SYNE1: variants seen among roughly 807,000 people sequenced by gnomAD.
SYNE1 encodes the protein spectrin repeat containing nuclear envelope protein 1, also known as nesprin-1.
In SYNE1, 616 loss-of-function variants were observed where a neutral mutation model predicts 1,111.0. The ratio of observed to expected loss-of-function variants is 0.55; its 90% CI spans 0.52 to 0.59. The LOEUF is 0.59. Ranked by LOEUF, SYNE1 falls within the 20% of genes least tolerant of loss-of-function variation. The pLI, the probability that SYNE1 is intolerant of heterozygous loss-of-function variation, is 0.00. For synonymous variants in SYNE1, 3,855 were observed against 3,825.8 expected (o/e 1.01, Z -0.28); for missense variants, 10,006 against 10,417.0 (o/e 0.96, Z 1.72).
At position 152,122,020 on chromosome 6, in the gene SYNE1, G is replaced by T. The variant is rs958947927; in HGVS notation, c.*416C>A. On this transcript the variant is annotated 3_prime_UTR_variant, in exon 146 of 146. Transcript: ENST00000367255. ...TTCAGCACTGGTTGGTTGGTAGATT[G>T]TACGACACTGACATGGTGCTTGGGA... 6.3e-5 allele frequency: 16 copies of T among 254,456 alleles called. No homozygotes were observed. The highest frequency in any genetic ancestry group is 2.6e-4 in the African/African-American group (12 of 45,642). 15.8% of individuals were successfully genotyped at this position (254,456 alleles called of 1,614,324 possible).
intron 95 of SYNE1, among the ~76,000 whole-genome samples, chr6:152,287,343 C>T (rs371138904): frequency 6.6e-6 from 1 of 152,094 alleles, no homozygotes; most frequent in South Asian, 2.1e-4. Context: ...TGTGATTCTG[C>T]TCTGGGCTCG....
rs750672866 is a variant in SYNE1 at position 152,317,002 on chromosome 6, CATT to C, written c.16573-19_16573-17del. On this transcript the variant is annotated splice_polypyrimidine_tract_variant and intron_variant, in intron 86 of 145. Coordinates refer to ENST00000367255, the MANE Select transcript of SYNE1 (RefSeq NM_182961.4). ...GTGATGCTGCCTGAAAAACCAGTAA[CATT>C]AATGTAACAAATGTAAACTCCTCAG... is the stretch of plus-strand genomic sequence containing the variant. 11 of 1,613,286 alleles carry C rather than the reference CATT, an allele frequency of 6.8e-6. No individual in the cohort carries two copies. The highest frequency in any genetic ancestry group is 9.3e-6 in the Non-Finnish European group (11 of 1,179,930).
At chr6:152,353,768 GA>G (rs1563295175) in intron 67 of SYNE1, 24 bp from the exon 68 acceptor site, 9 of 1,612,978 alleles carry the variant, frequency 5.6e-6, no homozygotes, top group South Asian at 2.2e-5. Flanking sequence ...GTATCGAAGG[GA>G]AAGATTCAAT....
At chr6:152,218,783 G>A (rs1038056401) in intron 120 of SYNE1, among the ~76,000 whole-genome samples, 3 of 152,158 alleles carry the variant, frequency 2.0e-5, no homozygotes, top group African/African-American at 7.2e-5. Context: ...ATTGGTTCAG[G>A]GGCTTGCATC....
chr6:152,427,608 A>G, intron 38 of SYNE1, 85 bp downstream of exon 38: 1 of 1,505,952 alleles, frequency 6.6e-7, no homozygotes, highest in Non-Finnish European at 9.1e-7. Context: ...GGGAGGTACA[A>G]GTTTATTTAT....
Position 152,309,916 on chromosome 6 carries a change from A to G in SYNE1, c.17121T>C (p.Pro5707=), listed in dbSNP as rs370891829. Residue 5707 remains proline (P), a synonymous_variant, in exon 90 of 146, where the codon CCT becomes CCC. Coordinates refer to ENST00000367255, the MANE Select transcript of SYNE1 (RefSeq NM_182961.4). ...RIPEDVVASL[P]LCHAALRLQE... is the part of the protein sequence containing the mutation. ...GCAGCCGCAGAGCAGCATGACAGAG[A>G]GGTAAGCTGGCAACCACATCCTCGG... 2 of 1,614,168 alleles carry G rather than the reference A, an allele frequency of 1.2e-6. No individual in the cohort carries two copies. Among genetic ancestry groups the G allele is most frequent in the African/African-American group, 1.3e-5 (1 of 75,058 alleles).
chr6:152,486,674 G>T (rs565247096), intron 12 of SYNE1, among the ~76,000 whole-genome samples: 1 of 152,034 alleles, frequency 6.6e-6, no homozygotes, highest in East Asian at 1.9e-4. Flanking sequence ...ATTTTATTTT[G>T]GGGAAAAAAG....
chr6:152,600,378 T>C (rs866216032), intron 3 of SYNE1, among the ~76,000 whole-genome samples: 2 of 152,180 alleles, frequency 1.3e-5, no homozygotes, highest in African/African-American at 4.8e-5. Context: ...TAAAGGGTGA[T>C]AATTTTTTTT....
At position 152,331,590 on chromosome 6, in the gene SYNE1, G is replaced by A. The variant is rs62426014; in HGVS notation, c.13095C>T (p.Pro4365=). ...ELMEWAEEQQ[P]NIAEALKQSP... The stretch of plus-strand genomic sequence containing the variant: ...TCTGCTTAAGGGCCTCGGCGATGTT[G>A]GGTTGTTGCTCTTCTGCCCACTCCA... Residue 4365 remains proline, a synonymous_variant, in exon 78 of 146, where the codon CCC becomes CCT. Coordinates refer to ENST00000367255, the MANE Select transcript of SYNE1 (RefSeq NM_182961.4). 14 of 1,614,140 alleles carry A rather than the reference G, an allele frequency of 8.7e-6. No homozygotes were observed. The highest frequency in any genetic ancestry group is 1.1e-5 in the Non-Finnish European group (13 of 1,180,022).
rs559601946 is a variant in SYNE1 at position 152,310,460 on chromosome 6, T to C, written c.16955A>G (p.Gln5652Arg). The change falls in exon 89 of 146, where the codon CAG becomes CGG. Residue 5652 changes from glutamine to arginine, a missense_variant. Physicochemically the swap from Gln to Arg is conservative, Grantham distance 43 (BLOSUM62 1). Coordinates refer to ENST00000367255, the MANE Select transcript of SYNE1 (RefSeq NM_182961.4). ...AACTTCTGGAGAAGTCAGTGTTGCCTGGGCTTGCTCCAAGGCAGCTTGTAA... is the reference window on the plus strand; with the variant it reads ...AACTTCTGGAGAAGTCAGTGTTGCCCGGGCTTGCTCCAAGGCAGCTTGTAA... ...KKLQAALEQA[Q>R]ATLTSPEVGR... is the part of the protein sequence containing the mutation. The C allele has an allele frequency of 6.2e-7, 1 of 1,614,184 alleles. No individual in the cohort carries two copies. Among genetic ancestry groups the C allele is most frequent in the South Asian group, 1.1e-5 (1 of 91,082 alleles).
rs1178342335 is a variant in SYNE1, at chr6:152,331,955, T to C, written c.12795-65A>G. 3.1e-6 allele frequency: 5 copies of C among 1,593,174 alleles called. No homozygotes were observed. In the African/African-American group the frequency reaches 5.3e-5, roughly 17 times the overall value. ...AGTCAATATCGATGTTTGTTCATAC[T>C]ATGCTAAATTACACTTCACCATTTT... On this transcript the variant is annotated intron_variant, in intron 77 of 145. Transcript: ENST00000367255.
intron 9 of SYNE1, among the ~76,000 whole-genome samples, chr6:152,503,125 G>C (rs1488377467): frequency 6.6e-6 from 1 of 151,954 alleles, no homozygotes. Flanking sequence ...GTAAATTTTA[G>C]AACTGGCATA....
intron 49 of SYNE1, among the ~76,000 whole-genome samples, chr6:152,397,606 TA>T (rs1181270345): frequency 6.6e-6 from 1 of 152,232 alleles, no homozygotes; most frequent in Non-Finnish European, 1.5e-5. Context: ...TCCTTTACTA[TA>T]ACGATCTTTC....
At chr6:152,277,867 G>T in intron 98 of SYNE1, 1 of 602,184 alleles carries the variant, frequency 1.7e-6, no homozygotes, top group South Asian at 1.8e-5. Context: ...CCACCACTCC[G>T]CTGAACAGCT....
At chr6:152,534,466 C>A (rs1297485650) in intron 4 of SYNE1, among the ~76,000 whole-genome samples, 1 of 151,784 alleles carries the variant, frequency 6.6e-6, no homozygotes, top group Non-Finnish European at 1.5e-5. Context: ...TTTTCCCTGG[C>A]TTTATTAAGA....
chr6:152,381,793 A>G (rs979513690), intron 55 of SYNE1, among the ~76,000 whole-genome samples: 1 of 152,180 alleles, frequency 6.6e-6, no homozygotes, highest in African/African-American at 2.4e-5. Flanking sequence ...CTTCTTCAAC[A>G]GGGTGGTGGC....
chr6:152,378,160 A>G (rs2097330440), intron 56 of SYNE1, among the ~76,000 whole-genome samples: 1 of 152,200 alleles, frequency 6.6e-6, no homozygotes, highest in Non-Finnish European at 1.5e-5. Context: ...TCAGAAGGAG[A>G]ATGACTCCCA....
intron 63 of SYNE1, among the ~76,000 whole-genome samples, chr6:152,363,296 C>T (rs1470904384): frequency 3.4e-5 from 5 of 148,370 alleles, no homozygotes; most frequent in East Asian, 2.1e-4. Context: ...AGATCAAGGC[C>T]ATCCTGGCTA....
intron 77 of SYNE1, 38 bp downstream of exon 77, chr6:152,333,970 C>T: frequency 6.2e-7 from 1 of 1,613,884 alleles, no homozygotes; most frequent in East Asian, 2.2e-5. Flanking sequence ...AAATGTCTGG[C>T]TTAGCATTTT....
Sources: allele counts gnomAD v4.1 joint callset (sites outside exome capture counted in the v4.1 genomes callset), GRCh38; gene constraint gnomAD v4.1.1; transcripts MANE v1.5; gene names NCBI Gene and HGNC (gene_info 2026-07-23, HGNC 2026-07-21).